Variants in BUB1 observed in about 807,000 individuals in gnomAD.
BUB1 encodes the protein mitotic checkpoint serine/threonine-protein kinase BUB1.
A neutral mutation model predicts 135.2 loss-of-function variants in BUB1; 84 were observed. That is an observed-to-expected ratio of 0.62 (90% CI 0.52 to 0.74). The LOEUF is 0.74. Ranked by LOEUF, BUB1 falls within the 30% of genes least tolerant of loss-of-function variation. The pLI, the probability that BUB1 is intolerant of heterozygous loss-of-function variation, is 0.00. For missense variants in BUB1, 1,162 were observed against 1,288.3 expected, an observed-to-expected ratio of 0.90 and a Z score of 1.50; for synonymous variants, 403 against 434.4, an observed-to-expected ratio of 0.93 and a Z score of 0.90.
At chr2:110,664,403 C>T (rs1312052578) in intron 9 of BUB1, among the ~76,000 whole-genome samples, 2 of 152,044 alleles carry the variant, frequency 1.3e-5, no homozygotes, top group East Asian at 1.9e-4. Flanking sequence ...ACACCAATAG[C>T]GCAAGCCAAA....
Position 110,649,325 on chromosome 2 carries a change from A to C in BUB1, c.2256T>G (p.Ser752=). The C allele has an allele frequency of 1.9e-6, 3 of 1,611,314 alleles. No homozygotes were observed. Among genetic ancestry groups the C allele is most frequent in the Non-Finnish European group, 2.5e-6 (3 of 1,178,338 alleles). Residue 752 remains serine (S), a synonymous_variant, in exon 19 of 25, where the codon TCT becomes TCG. Transcript: ENST00000302759. ...AGGAACTCACTGGTTTAGAAAGCCC[A>C]GATAAAAGTTTGAAAATCAGCTTAT... ...WDDKLIFKLL[S]GLSKPVSSYP...
intron 19 of BUB1, chr2:110,642,557 C>T: frequency 5.9e-6 from 1 of 170,212 alleles, no homozygotes; most frequent in Non-Finnish European, 1.3e-5. Flanking sequence ...TTTTTGATGA[C>T]CTTGACAGTT....
At chr2:110,656,556 T>C (rs931408861) in intron 15 of BUB1, among the ~76,000 whole-genome samples, 2 of 152,202 alleles carry the variant, frequency 1.3e-5, no homozygotes, top group Non-Finnish European at 2.9e-5. Context: ...GGGAAGGATA[T>C]CAGAGGTGAA....
intron 8 of BUB1, among the ~76,000 whole-genome samples, 183 bp downstream of exon 8, chr2:110,667,338 G>A (rs1469647019): frequency 6.6e-6 from 1 of 152,064 alleles, no homozygotes; most frequent in Non-Finnish European, 1.5e-5. Flanking sequence ...TGCTGCCAGC[G>A]CAGTTTTCTC....
rs1374654770 is a variant in BUB1, at chr2:110,642,134, C to A, written c.2448G>T (p.Gln816His). 1 of 1,607,868 alleles carries A rather than the reference C, an allele frequency of 6.2e-7. No homozygotes were observed. Among genetic ancestry groups the A allele is most frequent in the Non-Finnish European group, 8.5e-7 (1 of 1,177,052 alleles). ...QGDLNDAKNK[Q>H]KFVLKVQKPA... is the part of the protein sequence containing the mutation. ...GGTCATTTACCTTTAAAACAAATTT[C>A]TGTTTATTTTTAGCATCATTCAGAT... is the stretch of plus-strand genomic sequence containing the variant. The change falls in exon 20 of 25, where the codon CAG becomes CAT. Residue 816 changes from glutamine (Q) to histidine (H), a missense_variant. By Grantham distance (24) the Gln-to-His change is conservative. Transcript: ENST00000302759.
intron 23 of BUB1, among the ~76,000 whole-genome samples, chr2:110,640,186 C>G (rs149633952): frequency 2.6e-5 from 4 of 152,250 alleles, no homozygotes; most frequent in African/African-American, 9.6e-5. Flanking sequence ...GGACTCTGGT[C>G]GTAGTTCTCT....
In BUB1 at chr2:110,677,684, C is replaced by T. The variant is rs576043256; in HGVS notation, c.26+286G>A. ...AGGTTGAACTGTCAGGAGGGGATTC[C>T]TTACAAAGAATAAACGAGAGCTCTG... is the stretch of plus-strand genomic sequence containing the variant. On this transcript the variant is annotated intron_variant, in intron 1 of 24. Coordinates refer to ENST00000302759, the MANE Select transcript of BUB1 (RefSeq NM_004336.5). Among the ~76,000 whole-genome samples the T allele has an allele frequency of 1.6e-4, 24 of 152,306 alleles. No homozygotes were observed. The East Asian group carries it at 4.4e-3, about 28-fold the overall frequency.
intron 9 of BUB1, among the ~76,000 whole-genome samples, chr2:110,662,311 G>T (rs1690122671): frequency 6.6e-6 from 1 of 152,018 alleles, no homozygotes; most frequent in Non-Finnish European, 1.5e-5. Context: ...TGAAGAATAG[G>T]AAACACAAAT....
intron 17 of BUB1, among the ~76,000 whole-genome samples, chr2:110,651,785 T>A (rs1689794003): frequency 6.6e-6 from 1 of 152,200 alleles, no homozygotes; most frequent in African/African-American, 2.4e-5. Context: ...ATCTTCTCTA[T>A]GTTTACATAC....
chr2:110,639,961 A>C lies in BUB1; in HGVS notation c.2956-113T>G, dbSNP rs369276113. 32 of 910,168 alleles carry C rather than the reference A, an allele frequency of 3.5e-5. 1 individual carries two copies. The highest frequency in any genetic ancestry group is 2.0e-4 in the East Asian group (8 of 39,520). 56.4% of individuals were successfully genotyped at this position (910,168 alleles called of 1,614,324 possible). On this transcript the variant is annotated intron_variant, in intron 23 of 24. Coordinates refer to ENST00000302759, the MANE Select transcript of BUB1 (RefSeq NM_004336.5). ...AAATACTCACAGGATTTTACTTTTAAAACATTTTGGAAGGCATTTGTTCAA... is the reference window on the plus strand; with the variant it reads ...AAATACTCACAGGATTTTACTTTTACAACATTTTGGAAGGCATTTGTTCAA...
chr2:110,647,889 C>T (rs1209091282), intron 19 of BUB1, among the ~76,000 whole-genome samples: 4 of 152,138 alleles, frequency 2.6e-5, no homozygotes, highest in Non-Finnish European at 4.4e-5. Flanking sequence ...AAACCCAAAA[C>T]GCTGACAACC....
chr2:110,667,619 A>G lies in BUB1; in HGVS notation c.707T>C (p.Met236Thr), dbSNP rs199542604. The change falls in exon 8 of 25, where the codon ATG becomes ACG. Residue 236 changes from methionine to threonine, a missense_variant. Met to Thr is a moderately conservative substitution (Grantham distance 81, BLOSUM62 -1). Transcript: ENST00000302759. ...ACGAATAAGCTTCTCCTTGCAATAC[A>G]TAACAACCTGCTCAACATCAACTTT... is the stretch of plus-strand genomic sequence containing the variant. Reference protein sequence around the residue: ...ASKVDVEQVVMYCKEKLIRGE... With the variant: ...ASKVDVEQVVTYCKEKLIRGE... 9.3e-6 allele frequency: 15 copies of G among 1,614,070 alleles called. No homozygotes were observed. In the East Asian group the frequency reaches 2.5e-4, roughly 26 times the overall value.
At chr2:110,657,000 T>C (rs1027582595) in intron 15 of BUB1, 36 bp downstream of exon 15, 32 of 1,540,266 alleles carry the variant, frequency 2.1e-5, no homozygotes, top group Non-Finnish European at 2.8e-5. Flanking sequence ...GGATGGGTTG[T>C]AGGACCCATT....
chr2:110,671,799 G>A (rs900946997), intron 4 of BUB1, among the ~76,000 whole-genome samples: 1 of 152,182 alleles, frequency 6.6e-6, no homozygotes, highest in African/African-American at 2.4e-5. Context: ...CCTGTAACAA[G>A]AAGAGAAAAA....
At position 110,642,168 on chromosome 2, in the gene BUB1, G is replaced by A; in HGVS notation, c.2414C>T (p.Thr805Ile). ...EGAFAQVYEA[T>I]QGDLNDAKNK... is the part of the protein sequence containing the mutation. The stretch of plus-strand genomic sequence containing the variant: ...TTTAGCATCATTCAGATCTCCCTGG[G>A]TAGCTTCGTACACCTGGGCAAAGGC... The change falls in exon 20 of 25, where the codon ACC (threonine) becomes ATC (isoleucine). Residue 805 changes from threonine (T) to isoleucine (I), a missense_variant. Thr to Ile is a moderately conservative substitution (Grantham distance 89). Coordinates refer to ENST00000302759, the MANE Select transcript of BUB1 (RefSeq NM_004336.5). The A allele has an allele frequency of 6.2e-7, 1 of 1,613,696 alleles. No homozygotes were observed. Among genetic ancestry groups the A allele is most frequent in the Non-Finnish European group, 8.5e-7 (1 of 1,179,836 alleles).
At chr2:110,646,408 A>G (rs1036294779) in intron 19 of BUB1, among the ~76,000 whole-genome samples, 5 of 152,146 alleles carry the variant, frequency 3.3e-5, no homozygotes, top group African/African-American at 1.2e-4. Flanking sequence ...CAGATAAAGC[A>G]GGCAGGAAAT....
intron 10 of BUB1, 92 bp downstream of exon 10, chr2:110,661,490 T>C (rs1690080990): frequency 2.1e-6 from 3 of 1,446,688 alleles, no homozygotes; most frequent in Non-Finnish European, 2.8e-6. Context: ...TCATTCATCT[T>C]TTACATACTG....
At chr2:110,640,390 T>C (rs1316141239) in intron 23 of BUB1, among the ~76,000 whole-genome samples, 1 of 150,252 alleles carries the variant, frequency 6.7e-6, no homozygotes, top group Admixed American at 6.7e-5. Context: ...TGGAAAGACA[T>C]AGCTCTCACC....
chr2:110,647,731 A>C (rs796888955), intron 19 of BUB1, among the ~76,000 whole-genome samples: 3 of 152,316 alleles, frequency 2.0e-5, no homozygotes, highest in African/African-American at 7.2e-5. Flanking sequence ...ACCAATTAGA[A>C]AATGGACAAA....
Sources: gnomAD v4.1 joint callset for allele counts (sites outside exome capture counted in the v4.1 genomes callset) on GRCh38, gnomAD v4.1.1 for gene constraint, MANE v1.5 for transcripts, NCBI Gene and HGNC (gene_info 2026-07-23, HGNC 2026-07-21) for gene names.